MYO7A: variants seen among roughly 807,000 people sequenced by gnomAD.
MYO7A encodes the protein myosin VIIA.
MYO7A carries 210 observed loss-of-function variants against 263.8 expected under a neutral mutation model. The ratio of observed to expected loss-of-function variants is 0.80; its 90% CI spans 0.71 to 0.89. MYO7A has a LOEUF of 0.89. Among genes scored for constraint, MYO7A ranks in the 40% least tolerant of loss-of-function variants. The pLI is 0.00. For synonymous variants in MYO7A, 1,239 were observed against 1,197.3 expected (o/e 1.03, Z -0.72); for missense variants, 2,820 against 2,968.3 (o/e 0.95, Z 1.16).
In MYO7A at chr11:77,175,475, A is replaced by G; in HGVS notation, c.2187+11A>G. The G allele has an allele frequency of 6.2e-7, 1 of 1,612,248 alleles. No homozygotes were observed. Among genetic ancestry groups the G allele is most frequent in the Non-Finnish European group, 8.5e-7 (1 of 1,179,248 alleles). On this transcript the variant is annotated intron_variant, in intron 18 of 48. Coordinates refer to ENST00000409709, the MANE Select transcript of MYO7A (RefSeq NM_000260.4). ...AAGATCTTTCTGAAGGTGAGCACAG[A>G]TGCCTTCCCTGGGCTGCCCTGGGGG...
At position 77,184,704 on chromosome 11, in the gene MYO7A, G is replaced by A. The variant is rs1555087304; in HGVS notation, c.3492G>A (p.Arg1164=). ...LHFIIGNGIL[R]PALRDEIYCQ... is the part of the protein sequence containing the mutation. Reference sequence around the variant, plus strand: ...TCATCATCGGCAATGGCATCCTGCGGCCAGCACTCCGGTCAGTGCCGGGAG... The same window carrying A: ...TCATCATCGGCAATGGCATCCTGCGACCAGCACTCCGGTCAGTGCCGGGAG... Residue 1164 remains arginine (R), a synonymous_variant, in exon 27 of 49, where the codon CGG becomes CGA. Transcript: ENST00000409709. 1.2e-6 allele frequency: 2 copies of A among 1,600,396 alleles called. No homozygotes were observed. Among genetic ancestry groups the A allele is most frequent in the Non-Finnish European group, 1.7e-6 (2 of 1,173,128 alleles).
chr11:77,193,132 T>TGGTGTTGATGGTGGG (rs1956323135), intron 31 of MYO7A, among the ~76,000 whole-genome samples: 1 of 141,016 alleles, frequency 7.1e-6, no homozygotes, highest in Admixed American at 7.5e-5. Context: ...GAGGTAGCGA[T>TGGTGTTGATGGTGGG]GCTGTTGGTG....
rs781790828 is a variant in MYO7A, at chr11:77,181,384, G to A, written c.2699G>A (p.Arg900His). The A allele has an allele frequency of 4.5e-5, 71 of 1,561,432 alleles. No individual in the cohort carries two copies. The highest frequency in any genetic ancestry group is 5.5e-5 in the Non-Finnish European group (64 of 1,154,416). Residue 900 changes from arginine to histidine, a missense_variant, in exon 23 of 49, where the codon CGC becomes CAC. Coordinates refer to ENST00000409709, the MANE Select transcript of MYO7A (RefSeq NM_000260.4). ...KEEAERKHQE[R>H]LAQLAREDAE... The stretch of plus-strand genomic sequence containing the variant: ...TGTGTCACCCCAATTGCCCAGGAGC[G>A]CCTGGCCCAGCTGGCTCGTGAGGAC...
intron 4 of MYO7A, among the ~76,000 whole-genome samples, chr11:77,154,449 A>G (rs1460477174): frequency 6.6e-6 from 1 of 152,136 alleles, no homozygotes; most frequent in Non-Finnish European, 1.5e-5. Flanking sequence ...ATTCGTGGAA[A>G]ATGCTCTTGT....
chr11:77,160,456 G>T (rs1463914261), intron 11 of MYO7A, among the ~76,000 whole-genome samples, 174 bp downstream of exon 11: 1 of 152,188 alleles, frequency 6.6e-6, no homozygotes, highest in Non-Finnish European at 1.5e-5. Context: ...CTCCTCTGGG[G>T]CCTTCCCAGC....
At chr11:77,166,649 G>C (rs782609248) in intron 15 of MYO7A, among the ~76,000 whole-genome samples, 48 of 152,144 alleles carry the variant, frequency 3.2e-4, no homozygotes, top group Non-Finnish European at 4.9e-4. Context: ...ATTTTTTCCT[G>C]CTGGGTTGCA....
chr11:77,133,694 C>G (rs116444483), intron 2 of MYO7A, among the ~76,000 whole-genome samples: 2 of 152,114 alleles, frequency 1.3e-5, no homozygotes, highest in Non-Finnish European at 2.9e-5. Context: ...TTCTGCCAGT[C>G]TTTACCTTTT....
intron 44 of MYO7A, 96 bp downstream of exon 44, chr11:77,208,899 G>A: frequency 9.9e-7 from 1 of 1,008,366 alleles, no homozygotes; most frequent in East Asian, 2.6e-5. Flanking sequence ...CCAGGTGTGG[G>A]GCCCGTACCA....
intron 27 of MYO7A, among the ~76,000 whole-genome samples, chr11:77,187,040 G>C (rs1955697517): frequency 6.6e-6 from 1 of 152,164 alleles, no homozygotes; most frequent in South Asian, 2.1e-4. Context: ...GGAGTGAGAT[G>C]GGGGAATGGC....
At chr11:77,175,693 T>A (rs1954592573) in intron 18 of MYO7A, among the ~76,000 whole-genome samples, 1 of 152,176 alleles carries the variant, frequency 6.6e-6, no homozygotes, top group Admixed American at 6.5e-5. Flanking sequence ...TGACCACAGG[T>A]TACAAAGCAC....
At chr11:77,159,335 G>A (rs1952770681) in intron 9 of MYO7A, 112 bp from the exon 10 acceptor site, 1 of 924,646 alleles carries the variant, frequency 1.1e-6, no homozygotes, top group Admixed American at 1.9e-5. Context: ...GCCCTCCCTG[G>A]ACAGGGCAGG....
In MYO7A at chr11:77,155,889, A is replaced by G; in HGVS notation, c.286-18A>G. On this transcript the variant is annotated intron_variant, in intron 4 of 48. Coordinates refer to ENST00000409709, the MANE Select transcript of MYO7A (RefSeq NM_000260.4). Reference sequence around the variant, plus strand: ...CCCACATGGAATCAGCGAGCTCCCCATCTCTTGCTGCCCGCAGACGTATAC... The same window carrying G: ...CCCACATGGAATCAGCGAGCTCCCCGTCTCTTGCTGCCCGCAGACGTATAC... The G allele has an allele frequency of 1.3e-6, 2 of 1,567,476 alleles. No individual in the cohort carries two copies. Among genetic ancestry groups the G allele is most frequent in the Non-Finnish European group, 1.7e-6 (2 of 1,152,966 alleles).
rs372223866 is a variant in MYO7A at position 77,194,335 on chromosome 11, G to A, written c.4153-19G>A. ...GAGGGGCCTGGGCCAATGCATGACC[G>A]AGGCCTCCCCCCACCTAGGAGGACG... On this transcript the variant is annotated intron_variant, in intron 31 of 48. Coordinates refer to ENST00000409709, the MANE Select transcript of MYO7A (RefSeq NM_000260.4). 246 of 1,606,824 alleles carry A rather than the reference G, an allele frequency of 1.5e-4. No homozygotes were observed. The highest frequency in any genetic ancestry group is 1.9e-4 in the Non-Finnish European group (220 of 1,176,840).
intron 2 of MYO7A, among the ~76,000 whole-genome samples, chr11:77,139,095 G>A (rs1336772092): frequency 6.6e-6 from 1 of 152,202 alleles, no homozygotes; most frequent in Non-Finnish European, 1.5e-5. Flanking sequence ...CATTTGCATG[G>A]GTCTCTCATC....
At chr11:77,163,218 C>T (rs74483437) in intron 14 of MYO7A, among the ~76,000 whole-genome samples, 33 of 152,108 alleles carry the variant, frequency 2.2e-4, no homozygotes, top group African/African-American at 6.5e-4. Flanking sequence ...GCTTTCTCAC[C>T]GCCCCAAACA....
rs1269263466 is a variant in MYO7A, at chr11:77,210,870, TG to T, written c.6052-278del. The T allele has an allele frequency of 1.4e-4, 47 of 333,306 alleles. No homozygotes were observed. The Middle Eastern group carries it at 2.3e-3, about 16-fold the overall frequency. The allele number at this position is 333,306 out of a possible 1,614,324, so 20.6% of individuals were successfully genotyped here. ...CACTCTGAGTTTCTTCATCTTGAAA[TG>T]GGGCTGCTCATCTCACTGGACTGTT... is the stretch of plus-strand genomic sequence containing the variant. On this transcript the variant is annotated intron_variant, in intron 44 of 48. Transcript: ENST00000409709.
intron 2 of MYO7A, among the ~76,000 whole-genome samples, chr11:77,132,739 G>A (rs1473096883): frequency 7.2e-5 from 11 of 152,108 alleles, no homozygotes; most frequent in Non-Finnish European, 1.2e-4. Flanking sequence ...CGCCCACCTC[G>A]GCCTCCCAAA....
chr11:77,212,753 G>C (rs1366194941), intron 46 of MYO7A, 199 bp from the exon 47 acceptor site: 1 of 607,482 alleles, frequency 1.6e-6, no homozygotes, highest in African/African-American at 1.9e-5. Context: ...AGGATGGCCT[G>C]GGGGACCCAG....
chr11:77,175,352 G>A lies in MYO7A; in HGVS notation c.2095-20G>A. Reference sequence around the variant, plus strand: ...CTGGAGAGGCTGTCCATTCCCTTGTGTTCCCCATCCTCACTCCAGGGCGAC... The same window carrying A: ...CTGGAGAGGCTGTCCATTCCCTTGTATTCCCCATCCTCACTCCAGGGCGAC... On this transcript the variant is annotated intron_variant, in intron 17 of 48. Transcript: ENST00000409709. 1 of 1,611,420 alleles carries A rather than the reference G, an allele frequency of 6.2e-7. No individual in the cohort carries two copies. The highest frequency in any genetic ancestry group is 8.5e-7 in the Non-Finnish European group (1 of 1,178,744).
Sources: gnomAD v4.1 joint callset for allele counts (sites outside exome capture counted in the v4.1 genomes callset) on GRCh38, gnomAD v4.1.1 for gene constraint, MANE v1.5 for transcripts, NCBI Gene and HGNC (gene_info 2026-07-23, HGNC 2026-07-21) for gene names.